The following PLCB1 variants were observed in gnomAD, a reference collection of about 807,000 sequenced individuals.
The protein encoded by PLCB1 is phospholipase C beta 1.
In PLCB1, 46 loss-of-function variants were observed where a neutral mutation model predicts 161.8. The observed-to-expected ratio is 0.28, with a 90% confidence interval of 0.22 to 0.36. The LOEUF (loss-of-function observed/expected upper bound fraction) is 0.36, where lower values mean the gene tolerates loss of function less well. PLCB1 is among the 10% of genes least tolerant of loss of function. The pLI is 1.00. For synonymous variants in PLCB1, 517 were observed against 503.7 expected, an observed-to-expected ratio of 1.03 and a Z score of -0.35; for missense variants, 1,016 against 1,472.5, an observed-to-expected ratio of 0.69 and a Z score of 5.07.
chr20:8,689,226 G>C (rs1051251266), intron 10 of PLCB1, among the ~76,000 whole-genome samples: 3 of 152,020 alleles, frequency 2.0e-5, no homozygotes, highest in Non-Finnish European at 4.4e-5. Flanking sequence ...TCTCTTATCT[G>C]TTCTAGGAGC....
intron 2 of PLCB1, among the ~76,000 whole-genome samples, chr20:8,195,739 G>A (rs1189837122): frequency 3.9e-5 from 6 of 152,002 alleles, no homozygotes; most frequent in South Asian, 2.1e-4. Context: ...GTCTTTCCTT[G>A]TCTTTCACAT....
intron 3 of PLCB1, among the ~76,000 whole-genome samples, chr20:8,481,043 G>A (rs1334242701): frequency 6.6e-6 from 1 of 152,194 alleles, no homozygotes; most frequent in Non-Finnish European, 1.5e-5. Flanking sequence ...GGCAAAGGTT[G>A]CAGTGAGCCA....
intron 3 of PLCB1, among the ~76,000 whole-genome samples, chr20:8,486,523 C>T (rs1344752148): frequency 1.7e-5 from 2 of 115,718 alleles, no homozygotes; most frequent in African/African-American, 6.9e-5. Flanking sequence ...GAGTCTCGCT[C>T]TGTCGCCCAG....
rs200016726 is a variant in PLCB1, at chr20:8,628,333, G to C, written c.286G>C (p.Gly96Arg). Residue 96 changes from glycine (G) to arginine (R), a missense_variant, in exon 4 of 32, where the codon GGG becomes CGG. Gly to Arg is a moderately radical substitution (Grantham distance 125). Around this residue, in one of 10 missense-constraint regions of PLCB1, gnomAD observed 181 missense variants for 236.7 expected, o/e 0.76. Transcript: ENST00000338037. ...TGAACTTTTGGATGTGGGGAACATC[G>C]GGCGCCTGGAGCAGCGCATGATCAC... Reference protein sequence around the residue: ...LRELLDVGNIGRLEQRMITVV... With the variant: ...LRELLDVGNIRRLEQRMITVV... 1 of 1,613,448 alleles carries C rather than the reference G, an allele frequency of 6.2e-7. No homozygotes were observed.
chr20:8,733,744 C>A (rs1980404580), intron 19 of PLCB1, among the ~76,000 whole-genome samples: 1 of 149,430 alleles, frequency 6.7e-6, no homozygotes, highest in South Asian at 2.1e-4. Flanking sequence ...ACATATGTAA[C>A]TAACCTGCAC....
Position 8,221,692 on chromosome 20 carries a change from A to T in PLCB1, c.177+71321A>T, listed in dbSNP as rs75184705. Among the ~76,000 whole-genome samples the T allele has an allele frequency of 5.3e-4, 81 of 152,260 alleles. 2 individuals carry two copies. In the East Asian group the frequency reaches 9.5e-3, roughly 18 times the overall value. ...ATAAATAATTCTTCCTTAGGTTTAA[A>T]ATCTCAAATAGCAACCTAAGTGCAT... is the stretch of plus-strand genomic sequence containing the variant. On this transcript the variant is annotated intron_variant, in intron 2 of 31. Transcript: ENST00000338037.
chr20:8,644,722 C>T (rs1029546246), intron 4 of PLCB1, among the ~76,000 whole-genome samples: 1 of 148,906 alleles, frequency 6.7e-6, no homozygotes, highest in Non-Finnish European at 1.5e-5. Flanking sequence ...CAGCCCCCCG[C>T]CCTGCCAGCC....
intron 31 of PLCB1, among the ~76,000 whole-genome samples, chr20:8,842,239 T>C (rs1451247047): frequency 6.6e-6 from 1 of 152,172 alleles, no homozygotes; most frequent in African/African-American, 2.4e-5. Flanking sequence ...GCGCATGATA[T>C]TTTAATATGA....
At chr20:8,315,601 T>C (rs915138776) in intron 2 of PLCB1, among the ~76,000 whole-genome samples, 2 of 152,160 alleles carry the variant, frequency 1.3e-5, no homozygotes, top group Non-Finnish European at 2.9e-5. Flanking sequence ...ATGTATAAAA[T>C]GAGGGAGGAA....
chr20:8,619,164 C>T (rs553978287), intron 3 of PLCB1, among the ~76,000 whole-genome samples: 6 of 152,170 alleles, frequency 3.9e-5, no homozygotes, highest in Admixed American at 2.6e-4. Context: ...AGGCCGGGTG[C>T]GGTGGCTCAT....
intron 31 of PLCB1, among the ~76,000 whole-genome samples, chr20:8,870,052 C>T (rs140142265): frequency 1.3e-3 from 194 of 152,276 alleles, no homozygotes; most frequent in African/African-American, 4.4e-3. Context: ...CCAATGTCAT[C>T]GCATGACCAC....
intron 3 of PLCB1, among the ~76,000 whole-genome samples, chr20:8,573,759 C>G (rs1028885757): frequency 2.0e-5 from 3 of 152,192 alleles, no homozygotes; most frequent in African/African-American, 4.8e-5. Context: ...TTTCTTGCTT[C>G]TCTCCAAGCA....
chr20:8,875,332 A>G (rs1239440917), intron 31 of PLCB1, among the ~76,000 whole-genome samples: 2 of 149,858 alleles, frequency 1.3e-5, no homozygotes, highest in East Asian at 3.9e-4. Context: ...ACAGAAGCAA[A>G]TAACAAGCAA....
chr20:8,160,895 T>G (rs2051614940), intron 2 of PLCB1, among the ~76,000 whole-genome samples: 1 of 152,188 alleles, frequency 6.6e-6, no homozygotes, highest in South Asian at 2.1e-4. Flanking sequence ...TATTTTAAAT[T>G]TACTTTAAGT....
At chr20:8,856,069 C>G (rs1449381992) in intron 31 of PLCB1, among the ~76,000 whole-genome samples, 2 of 152,122 alleles carry the variant, frequency 1.3e-5, no homozygotes, top group Non-Finnish European at 2.9e-5. Context: ...CCCTCTGGTA[C>G]CCTGGCCTTT....
intron 23 of PLCB1, chr20:8,750,740 C>A: frequency 1.5e-6 from 1 of 682,098 alleles, no homozygotes; most frequent in Non-Finnish European, 2.3e-6. Context: ...TTTGAAGAAG[C>A]TCCTCCTTAA....
intron 2 of PLCB1, among the ~76,000 whole-genome samples, chr20:8,198,067 G>C (rs2052047082): frequency 6.6e-6 from 1 of 152,114 alleles, no homozygotes; most frequent in African/African-American, 2.4e-5. Context: ...CTGTAGCCTT[G>C]TAGTATAGTT....
At chr20:8,205,751 G>T (rs982659830) in intron 2 of PLCB1, among the ~76,000 whole-genome samples, 1 of 152,056 alleles carries the variant, frequency 6.6e-6, no homozygotes, top group Non-Finnish European at 1.5e-5. Context: ...ATTATTTACA[G>T]GTATAATTAT....
intron 9 of PLCB1, among the ~76,000 whole-genome samples, chr20:8,661,994 AATTATTT>A: frequency 3.7e-5 from 1 of 27,124 alleles, no homozygotes; most frequent in African/African-American, 1.2e-4. Context: ...ATAATTATAT[AATTATTT>A]ATTATATAAT....
Sources: allele counts gnomAD v4.1 joint callset (sites outside exome capture counted in the v4.1 genomes callset), GRCh38; gene constraint gnomAD v4.1.1; regional missense constraint gnomAD v4.1.1; transcripts MANE v1.5; gene names NCBI Gene and HGNC (gene_info 2026-07-23, HGNC 2026-07-21).